ZNF282: variants seen among roughly 807,000 people sequenced by gnomAD.
ZNF282 encodes the protein HTLV-I U5 repressive element-binding protein 1.
A neutral mutation model predicts 61.9 loss-of-function variants in ZNF282; 30 were observed. The observed-to-expected ratio is 0.48, with a 90% CI of 0.36 to 0.66. ZNF282 has a LOEUF of 0.66. Ranked by LOEUF, ZNF282 falls within the 30% of genes least tolerant of loss-of-function variation. The pLI, the probability that ZNF282 is intolerant of heterozygous loss-of-function variation, is 0.00. For synonymous variants in ZNF282, 396 were observed against 405.0 expected (o/e 0.98, Z 0.27); for missense variants, 788 against 941.4 (o/e 0.84, Z 2.13).
At chr7:149,219,423 G>T in intron 7 of ZNF282, among the ~76,000 whole-genome samples, 1 of 152,234 alleles carries the variant, frequency 6.6e-6, no homozygotes, top group East Asian at 1.9e-4. Context: ...AGGTGTTACA[G>T]AGGCTGGGAG....
chr7:149,198,541 G>T lies in ZNF282; in HGVS notation c.374G>T (p.Arg125Leu). 1 of 1,614,222 alleles carries T rather than the reference G, an allele frequency of 6.2e-7. No homozygotes were observed. The highest frequency in any genetic ancestry group is 8.5e-7 in the Non-Finnish European group (1 of 1,180,044). Reference sequence around the variant, plus strand: ...AGCCAGCTGCTGAACCTGGAGGGGCGCACGGGGACAGCCGAGAAGAAGCTG... The same window carrying T: ...AGCCAGCTGCTGAACCTGGAGGGGCTCACGGGGACAGCCGAGAAGAAGCTG... ...QASQLLNLEG[R>L]TGTAEKKLAD... The change falls in exon 2 of 8, where the codon CGC becomes CTC. Residue 125 changes from arginine to leucine, a missense_variant. Arg to Leu is a moderately radical substitution (Grantham distance 102). Around this residue, in one of 3 missense-constraint regions of ZNF282, gnomAD observed 92 missense variants for 163.9 expected, o/e 0.56. Transcript: ENST00000610704. This position sits in a 1 kb window ranked among gnomAD's most constrained non-coding sequence, Gnocchi z 4.3.
rs951645215 is a variant in ZNF282 at position 149,198,963 on chromosome 7, C to A, written c.585+211C>A. Among the ~76,000 whole-genome samples, 9 of 152,344 alleles carry A rather than the reference C, an allele frequency of 5.9e-5. No individual in the cohort carries two copies. Among genetic ancestry groups the A allele is most frequent in the South Asian group, 4.1e-4 (2 of 4,830 alleles). On this transcript the variant is annotated intron_variant, in intron 2 of 7. Transcript: ENST00000610704. This position sits in a 1 kb window ranked among gnomAD's most constrained non-coding sequence, Gnocchi z 4.3. ...CACTCCATTCATTCCCCACAGTCTGCATTTCTGTCTGGGAGCCTTTGCTCT... is the reference window on the plus strand; with the variant it reads ...CACTCCATTCATTCCCCACAGTCTGAATTTCTGTCTGGGAGCCTTTGCTCT...
At chr7:149,207,241 G>GAC in intron 3 of ZNF282, 110 bp from the exon 4 acceptor site, 1 of 1,396,394 alleles carries the variant, frequency 7.2e-7, no homozygotes. Context: ...GCCAAAGAGG[G>GAC]ACACCCAGGA....
At chr7:149,197,919 T>C (rs1795844133) in intron 1 of ZNF282, among the ~76,000 whole-genome samples, 2 of 152,224 alleles carry the variant, frequency 1.3e-5, no homozygotes, top group African/African-American at 4.8e-5. Context: ...TGCTGAGAGA[T>C]TGCTGGGAAG....
chr7:149,210,750 G>A (rs1384727656), intron 5 of ZNF282, 46 bp downstream of exon 5: 7 of 1,507,390 alleles, frequency 4.6e-6, no homozygotes, highest in Admixed American at 2.4e-5. Context: ...GGAGGGGAGG[G>A]GAGAGGGTTA....
At chr7:149,197,714 C>G (rs1795841159) in intron 1 of ZNF282, among the ~76,000 whole-genome samples, 1 of 152,220 alleles carries the variant, frequency 6.6e-6, no homozygotes, top group African/African-American at 2.4e-5. Context: ...CTCAAGTGAG[C>G]TGCCTGCCTT....
intron 2 of ZNF282, among the ~76,000 whole-genome samples, chr7:149,199,320 T>C (rs2129523036): frequency 6.6e-6 from 1 of 152,312 alleles, no homozygotes; most frequent in South Asian, 2.1e-4. Flanking sequence ...GGCGTCCACA[T>C]GCAGCCAGCT....
At chr7:149,197,227 C>T (rs1278973988) in intron 1 of ZNF282, among the ~76,000 whole-genome samples, 2 of 152,206 alleles carry the variant, frequency 1.3e-5, no homozygotes, top group Admixed American at 1.3e-4. Context: ...CCATGGGGCA[C>T]CCCTTCCCCA....
chr7:149,206,677 T>A lies in ZNF282; in HGVS notation c.586-19T>A. On this transcript the variant is annotated intron_variant, in intron 2 of 7. Transcript: ENST00000610704. Reference sequence around the variant, plus strand: ...GAGGAACAGGCAGGAGGCGCTAGATTAACCGCTTGTTGGCTTAGGTTCCAG... The same window carrying A: ...GAGGAACAGGCAGGAGGCGCTAGATAAACCGCTTGTTGGCTTAGGTTCCAG... 2 of 1,614,096 alleles carry A rather than the reference T, an allele frequency of 1.2e-6. No individual in the cohort carries two copies. Among genetic ancestry groups the A allele is most frequent in the South Asian group, 2.2e-5 (2 of 91,062 alleles).
intron 2 of ZNF282, among the ~76,000 whole-genome samples, chr7:149,202,060 G>A (rs1487793339): frequency 2.6e-5 from 4 of 151,368 alleles, no homozygotes; most frequent in Non-Finnish European, 5.9e-5. Flanking sequence ...AAAGAACCAC[G>A]TCCCCCAAGC....
chr7:149,224,204 A>T lies in ZNF282; in HGVS notation c.1573A>T (p.Lys525Ter). 6.2e-7 allele frequency: 1 copy of T among 1,607,808 alleles called. No homozygotes were observed. The highest frequency in any genetic ancestry group is 8.5e-7 in the Non-Finnish European group (1 of 1,179,718). Residue 525 changes from lysine to a stop codon, truncating the protein, a stop_gained, in exon 8 of 8, where the codon AAG (lysine) becomes TAG (stop). Transcript: ENST00000610704. LOFTEE classifies it high-confidence loss of function. The stretch of plus-strand genomic sequence containing the variant: ...GCCCTACTCGTGCCCCGAGTGCGGC[A>T]AGAGCTTCGGCGTGCGCAAGAGCCT... ...SKPYSCPECG[K>*]SFGVRKSLII...
rs369436970 is a variant in ZNF282, at chr7:149,224,301, G to C, written c.1670G>C (p.Cys557Ser). Residue 557 changes from cysteine to serine, a missense_variant, in exon 8 of 8, where the codon TGC (cysteine) becomes TCC (serine). Around this residue, in one of 3 missense-constraint regions of ZNF282, gnomAD observed 559 missense variants for 642.0 expected, o/e 0.87. Coordinates refer to ENST00000610704, the MANE Select transcript of ZNF282 (RefSeq NM_003575.4). Reference sequence around the variant, plus strand: ...GCTGAGTGCGAGAAGAGCTTCAACTGCCACTCGGGCCTCATCCGCCACCAG... The same window carrying C: ...GCTGAGTGCGAGAAGAGCTTCAACTCCCACTCGGGCCTCATCCGCCACCAG... ...ECAECEKSFN[C>S]HSGLIRHQMT... 2 of 1,613,114 alleles carry C rather than the reference G, an allele frequency of 1.2e-6. No individual in the cohort carries two copies. The highest frequency in any genetic ancestry group is 1.7e-6 in the Non-Finnish European group (2 of 1,179,900).
At chr7:149,221,651 C>T (rs1796254123) in intron 7 of ZNF282, among the ~76,000 whole-genome samples, 1 of 152,104 alleles carries the variant, frequency 6.6e-6, no homozygotes, top group African/African-American at 2.4e-5. Context: ...TGACCCTTCC[C>T]AGGCATCCTG....
chr7:149,218,618 A>G (rs931718784), intron 7 of ZNF282, among the ~76,000 whole-genome samples: 6 of 152,128 alleles, frequency 3.9e-5, no homozygotes, highest in East Asian at 1.9e-4. Flanking sequence ...GACTTCCAAC[A>G]TCAGCGACCT....
Position 149,224,677 on chromosome 7 carries a change from G to A in ZNF282, c.*30G>A, listed in dbSNP as rs965890337. The A allele has an allele frequency of 1.4e-6, 2 of 1,467,118 alleles. No homozygotes were observed. Among genetic ancestry groups the A allele is most frequent in the Admixed American group, 2.4e-5 (1 of 40,984 alleles). The allele number at this position is 1,467,118 out of a possible 1,614,324, so 90.9% of individuals were successfully genotyped here. On this transcript the variant is annotated 3_prime_UTR_variant, in exon 8 of 8. Transcript: ENST00000610704. ...GGGCTGGGGGAGGGCAGGGCCGGAC[G>A]GAGTGGATCGGGGGCGGCCTGAGCA...
chr7:149,202,603 C>T (rs768487296), intron 2 of ZNF282, among the ~76,000 whole-genome samples: 5 of 151,872 alleles, frequency 3.3e-5, no homozygotes, highest in Admixed American at 2.0e-4. Flanking sequence ...TGTGAGCCAC[C>T]GCGCCTGGCC....
intron 7 of ZNF282, among the ~76,000 whole-genome samples, chr7:149,218,762 C>G (rs1285899528): frequency 6.6e-6 from 1 of 152,136 alleles, no homozygotes; most frequent in African/African-American, 2.4e-5. Flanking sequence ...CTGGGCTTCC[C>G]ATCACCCCGT....
chr7:149,207,147 T>C (rs981090588), intron 3 of ZNF282, among the ~76,000 whole-genome samples: 1 of 152,164 alleles, frequency 6.6e-6, no homozygotes, highest in Non-Finnish European at 1.5e-5. Flanking sequence ...GATGTTGGCT[T>C]TCAGAGACCA....
Position 149,201,291 on chromosome 7 carries a change from G to A in ZNF282, c.585+2539G>A, listed in dbSNP as rs139067263. ...ACTCCTCACCACCTCCACTCCCATC[G>A]CCATCGTCTGGTCCCAGGCACCATG... On this transcript the variant is annotated intron_variant, in intron 2 of 7. Coordinates refer to ENST00000610704, the MANE Select transcript of ZNF282 (RefSeq NM_003575.4). Among the ~76,000 whole-genome samples the A allele has an allele frequency of 2.7e-4, 41 of 152,174 alleles. No individual in the cohort carries two copies. In the Middle Eastern group the frequency reaches 0.014, roughly 50 times the overall value.
Sources: gnomAD v4.1 joint callset for allele counts (sites outside exome capture counted in the v4.1 genomes callset) on GRCh38, gnomAD v4.1.1 for gene constraint, gnomAD v4.1.1 regional missense constraint, Gnocchi (gnomAD v3.1) non-coding constraint, MANE v1.5 for transcripts, NCBI Gene and HGNC (gene_info 2026-07-23, HGNC 2026-07-21) for gene names.